Variants in ZFP14 observed in about 807,000 individuals in gnomAD.
ZFP14 encodes zinc finger protein 14 homolog.
A neutral mutation model predicts 54.5 loss-of-function variants in ZFP14; 22 were observed. The ratio of observed to expected loss-of-function variants is 0.40; its 90% CI spans 0.29 to 0.58. The LOEUF (loss-of-function observed/expected upper bound fraction) is 0.58, where lower values mean the gene tolerates loss of function less well. Ranked by LOEUF, ZFP14 falls within the 20% of genes least tolerant of loss-of-function variation. The pLI is 0.39. For missense variants in ZFP14, 470 were observed against 637.8 expected, an observed-to-expected ratio of 0.74 and a Z score of 2.83; for synonymous variants, 159 against 204.0, an observed-to-expected ratio of 0.78 and a Z score of 1.88.
Position 36,354,496 on chromosome 19 carries a change from A to T in ZFP14, c.235+5939T>A, listed in dbSNP as rs1169426464. 4.2e-5 allele frequency among the ~76,000 whole-genome samples: 6 copies of T among 142,096 alleles called. 1 individual carries two copies. Among genetic ancestry groups the T allele is most frequent in the African/African-American group, 1.5e-4 (6 of 38,726 alleles). 93.2% of individuals were successfully genotyped at this position (142,096 alleles called of 152,430 possible). A position where few individuals can be genotyped will look rare whatever the true frequency, so the allele number is the denominator to read the frequency against. On this transcript the variant is annotated intron_variant, in intron 4 of 4. Coordinates refer to ENST00000270001, the MANE Select transcript of ZFP14 (RefSeq NM_020917.3). Reference sequence around the variant, plus strand: ...TACCTTTTGAATAAGCATCTTAATCATCTTGGGCTTCTTGCAGTTCCTCAA... The same window carrying T: ...TACCTTTTGAATAAGCATCTTAATCTTCTTGGGCTTCTTGCAGTTCCTCAA...
chr19:36,371,676 A>C (rs1404518823), intron 1 of ZFP14, among the ~76,000 whole-genome samples: 2 of 152,114 alleles, frequency 1.3e-5, no homozygotes, highest in Admixed American at 6.6e-5. Flanking sequence ...TAAAGAAATA[A>C]CAGCAGGCAC....
rs1408246905 is a variant in ZFP14, at chr19:36,341,507, C to T, written c.319G>A (p.Glu107Lys). The change falls in exon 5 of 5, where the codon GAA becomes AAA. Residue 107 changes from glutamate (E) to lysine (K), a missense_variant. Transcript: ENST00000270001. The surrounding 1 kb of genome is among the most constrained non-coding windows in gnomAD (Gnocchi z 4.2). ...EIYSFQWDIM[E>K]RIKSYSLQGS... ...TGAAGGCTATAGCTTTTAATTCTTT[C>T]CATTATATCCCACTGAAATGAATAT... is the stretch of plus-strand genomic sequence containing the variant. 1 of 1,612,412 alleles carries T rather than the reference C, an allele frequency of 6.2e-7. No individual in the cohort carries two copies.
At chr19:36,368,506 T>C (rs540706287) in intron 1 of ZFP14, among the ~76,000 whole-genome samples, 1 of 152,292 alleles carries the variant, frequency 6.6e-6, no homozygotes, top group Non-Finnish European at 1.5e-5. Context: ...AATGATGAAC[T>C]TGGTGTAGAA....
intron 1 of ZFP14, 143 bp from the exon 2 acceptor site, chr19:36,368,114 C>T (rs189904456): frequency 3.9e-6 from 2 of 506,886 alleles, no homozygotes; most frequent in African/African-American, 3.8e-5. Flanking sequence ...CCACCCACCA[C>T]TATGCCCATC....
chr19:36,368,975 A>AGG (rs34670937), intron 1 of ZFP14, among the ~76,000 whole-genome samples: 7,874 of 152,110 alleles, frequency 0.052, 242 homozygotes, highest in Non-Finnish European at 0.066. Context: ...TCCTGAGTAC[A>AGG]GGTACATGCC....
chr19:36,353,057 T>G (rs1224348724), intron 4 of ZFP14, among the ~76,000 whole-genome samples: 1 of 140,980 alleles, frequency 7.1e-6, no homozygotes, highest in African/African-American at 2.6e-5. Context: ...TTCATGTCAC[T>G]GCCCTCCAGC....
In ZFP14 at chr19:36,337,466, A is replaced by G. The variant is rs1283751649; in HGVS notation, c.*2758T>C. The G allele has an allele frequency of 2.0e-5, 3 of 152,238 alleles. No individual in the cohort carries two copies. The highest frequency in any genetic ancestry group is 3.8e-4 in the East Asian group (2 of 5,204). The allele number at this position is 152,238 out of a possible 1,614,324, so 9.4% of individuals were successfully genotyped here. A position where few individuals can be genotyped will look rare whatever the true frequency, so the allele number is the denominator to read the frequency against. On this transcript the variant is annotated 3_prime_UTR_variant, in exon 5 of 5. Transcript: ENST00000270001. Reference sequence around the variant, plus strand: ...AATTGAAAAATACAGTATAACAACTATTTACATAGTATTTACATTGTGATA... The same window carrying G: ...AATTGAAAAATACAGTATAACAACTGTTTACATAGTATTTACATTGTGATA...
chr19:36,369,946 C>CA (rs1477548907), intron 1 of ZFP14, among the ~76,000 whole-genome samples: 5 of 152,166 alleles, frequency 3.3e-5, no homozygotes, highest in Non-Finnish European at 7.3e-5. Context: ...GCAATCCTCC[C>CA]ACCTCAGATT....
In ZFP14 at chr19:36,340,636, TC is replaced by T; in HGVS notation, c.1189del (p.Glu397AsnfsTer157). On this transcript the variant is annotated frameshift_variant, in exon 5 of 5. Coordinates refer to ENST00000270001, the MANE Select transcript of ZFP14 (RefSeq NM_020917.3). LOFTEE classifies it high-confidence loss of function. This position sits in a 1 kb window ranked among gnomAD's most constrained non-coding sequence, Gnocchi z 5.4. ...QRIHTREKPYECMECWKTFSS... is the reference protein window; with the variant it reads ...QRIHTREKPYXCMECWKTFSS... ...AAAGGTCTTCCAACATTCCATACATTCATAGGGTTTCTCACGAGTATGTATT... is the reference window on the plus strand; with the variant it reads ...AAAGGTCTTCCAACATTCCATACATTATAGGGTTTCTCACGAGTATGTATT... 6.2e-7 allele frequency: 1 copy of T among 1,614,086 alleles called. No homozygotes were observed. The highest frequency in any genetic ancestry group is 8.5e-7 in the Non-Finnish European group (1 of 1,180,006).
In ZFP14 at chr19:36,351,521, A is replaced by G. The variant is rs1384195612; in HGVS notation, c.235+8914T>C. Among the ~76,000 whole-genome samples the G allele has an allele frequency of 2.1e-5, 3 of 141,960 alleles. 1 individual carries two copies. The highest frequency in any genetic ancestry group is 4.7e-5 in the Non-Finnish European group (3 of 64,024). The allele number at this position is 141,960 out of a possible 152,430, so 93.1% of individuals were successfully genotyped here. A position where few individuals can be genotyped will look rare whatever the true frequency, so the allele number is the denominator to read the frequency against. ...ATCACAAAAAGAAAAAAAAAGGCAT[A>G]TGACAACAAATGCACAAAAAACTGA... On this transcript the variant is annotated intron_variant, in intron 4 of 4. Coordinates refer to ENST00000270001, the MANE Select transcript of ZFP14 (RefSeq NM_020917.3).
chr19:36,341,423 G>T lies in ZFP14; in HGVS notation c.403C>A (p.Gln135Lys), dbSNP rs757307161. ...ACTTGCCCAAAATATCCCTCTTGTTGTTCCTTTTCCCCCTCAATCTTGCTT... is the reference window on the plus strand; with the variant it reads ...ACTTGCCCAAAATATCCCTCTTGTTTTTCCTTTTCCCCCTCAATCTTGCTT... ...CKSKIEGEKE[Q>K]QEGYFGQVKI... The change falls in exon 5 of 5, where the codon CAA becomes AAA. Residue 135 changes from glutamine to lysine, a missense_variant. Physicochemically the swap from Gln to Lys is moderately conservative, Grantham distance 53. Transcript: ENST00000270001. The surrounding 1 kb of genome is among the most constrained non-coding windows in gnomAD (Gnocchi z 4.2). 1 of 1,613,958 alleles carries T rather than the reference G, an allele frequency of 6.2e-7. No homozygotes were observed. Among genetic ancestry groups the T allele is most frequent in the South Asian group, 1.1e-5 (1 of 91,058 alleles).
chr19:36,350,305 T>G (rs1210553405), intron 4 of ZFP14, among the ~76,000 whole-genome samples: 1 of 141,936 alleles, frequency 7.0e-6, no homozygotes, highest in Non-Finnish European at 1.6e-5. Flanking sequence ...AACCCAAGAT[T>G]TAAAAAAATT....
chr19:36,358,092 CATCTATCT>C (rs148097125), intron 4 of ZFP14, among the ~76,000 whole-genome samples: 46 of 127,806 alleles, frequency 3.6e-4, no homozygotes, highest in Non-Finnish European at 4.9e-4. Flanking sequence ...ATCTATCTAT[CATCTATCT>C]ATCTATCTAT....
chr19:36,376,549 A>C (rs1470786569), intron 1 of ZFP14, among the ~76,000 whole-genome samples: 1 of 152,000 alleles, frequency 6.6e-6, no homozygotes, highest in Non-Finnish European at 1.5e-5. Flanking sequence ...TGTCTCAAAA[A>C]AAAAGAAAAA....
chr19:36,359,019 G>A (rs545592410), intron 4 of ZFP14, among the ~76,000 whole-genome samples: 1 of 152,186 alleles, frequency 6.6e-6, no homozygotes, highest in African/African-American at 2.4e-5. Context: ...ATTCAGCAGA[G>A]TCCCCACCAG....
At chr19:36,369,638 T>C (rs2031850531) in intron 1 of ZFP14, among the ~76,000 whole-genome samples, 3 of 152,026 alleles carry the variant, frequency 2.0e-5, no homozygotes, top group Admixed American at 6.6e-5. Flanking sequence ...CTCGAACTCC[T>C]GACCTCAATT....
chr19:36,361,303 G>C (rs567803419), intron 3 of ZFP14, among the ~76,000 whole-genome samples: 15 of 152,246 alleles, frequency 9.9e-5, no homozygotes, highest in Admixed American at 9.8e-4. Flanking sequence ...GCAATGGCGC[G>C]ATCTCAACTC....
Position 36,338,757 on chromosome 19 carries a change from CCTA to C in ZFP14, c.*1464_*1466del, listed in dbSNP as rs1359415273. 2 of 152,132 alleles carry C rather than the reference CCTA, an allele frequency of 1.3e-5. No homozygotes were observed. The highest frequency in any genetic ancestry group is 2.9e-5 in the Non-Finnish European group (2 of 68,030). 9.4% of individuals were successfully genotyped at this position (152,132 alleles called of 1,614,324 possible). A position where few individuals can be genotyped will look rare whatever the true frequency, so the allele number is the denominator to read the frequency against. On this transcript the variant is annotated 3_prime_UTR_variant, in exon 5 of 5. Coordinates refer to ENST00000270001, the MANE Select transcript of ZFP14 (RefSeq NM_020917.3). ...ATCAAAAACTCAACTTGAAACAACTCCTACTGGTTGAAGATATGGCATTTTGAG... is the reference window on the plus strand; with the variant it reads ...ATCAAAAACTCAACTTGAAACAACTCCTGGTTGAAGATATGGCATTTTGAG...
chr19:36,364,339 G>C (rs1015069273), intron 2 of ZFP14, among the ~76,000 whole-genome samples: 2 of 152,200 alleles, frequency 1.3e-5, no homozygotes, highest in Non-Finnish European at 2.9e-5. Flanking sequence ...ACAAGCAGGG[G>C]TATGGGAGGC....
Sources: gnomAD v4.1 joint callset for allele counts (sites outside exome capture counted in the v4.1 genomes callset) on GRCh38, gnomAD v4.1.1 for gene constraint, Gnocchi (gnomAD v3.1) non-coding constraint, MANE v1.5 for transcripts, NCBI Gene and HGNC (gene_info 2026-07-23, HGNC 2026-07-21) for gene names.